The following MYO5A variants were observed in gnomAD, a reference collection of about 807,000 sequenced individuals.
The protein encoded by MYO5A is unconventional myosin-Va.
In MYO5A, 98 loss-of-function variants were observed where a neutral mutation model predicts 249.7. That is an observed-to-expected ratio of 0.39 (90% CI 0.33 to 0.46). MYO5A has a LOEUF of 0.46. MYO5A is among the 20% of genes least tolerant of loss of function. The probability of loss-of-function intolerance (pLI) is 0.98; values close to 1 mark genes in which losing one functional copy is unlikely to be tolerated. For synonymous variants in MYO5A, 778 were observed against 810.6 expected, an observed-to-expected ratio of 0.96 and a Z score of 0.68; for missense variants, 1,696 against 2,308.8, an observed-to-expected ratio of 0.73 and a Z score of 5.44.
intron 1 of MYO5A, among the ~76,000 whole-genome samples, chr15:52,483,401 G>A (rs187878904): frequency 8.5e-5 from 13 of 152,254 alleles, no homozygotes; most frequent in African/African-American, 2.6e-4. Flanking sequence ...AAGGGACCGT[G>A]AGTATGGCAA....
intron 1 of MYO5A, among the ~76,000 whole-genome samples, chr15:52,463,831 A>T (rs940546959): frequency 6.6e-6 from 1 of 152,260 alleles, no homozygotes; most frequent in Non-Finnish European, 1.5e-5. Flanking sequence ...TTCATTCTTC[A>T]TCTTTCCAGA....
rs573749029 is a variant in MYO5A at position 52,353,785 on chromosome 15, G to A, written c.3567+86C>T. 79 of 1,604,382 alleles carry A rather than the reference G, an allele frequency of 4.9e-5. No individual in the cohort carries two copies. In the African/African-American group the frequency reaches 9.2e-4, roughly 19 times the overall value. ...CTTTAACCAAGTGGTGCTTGGATAG[G>A]CTGGGCTGAGTCTCCACTAAGGAAG... On this transcript the variant is annotated intron_variant, in intron 26 of 41. Transcript: ENST00000399233.
intron 1 of MYO5A, among the ~76,000 whole-genome samples, chr15:52,503,614 G>T (rs998475396): frequency 6.6e-6 from 1 of 151,958 alleles, no homozygotes; most frequent in African/African-American, 2.4e-5. Flanking sequence ...CTGGGTGACA[G>T]AGCAAGACCA....
intron 2 of MYO5A, among the ~76,000 whole-genome samples, chr15:52,429,388 T>A (rs1775693658): frequency 6.6e-6 from 1 of 151,708 alleles, no homozygotes; most frequent in African/African-American, 2.4e-5. Flanking sequence ...ACTCCGTCTT[T>A]ATTAAAAATA....
At chr15:52,464,716 C>G (rs2076319616) in intron 1 of MYO5A, among the ~76,000 whole-genome samples, 1 of 152,170 alleles carries the variant, frequency 6.6e-6, no homozygotes, top group South Asian at 2.1e-4. Context: ...CCATGGTAGG[C>G]AGTTTGGCCT....
intron 1 of MYO5A, among the ~76,000 whole-genome samples, chr15:52,474,947 G>T (rs1481446722): frequency 1.3e-5 from 2 of 152,202 alleles, no homozygotes; most frequent in Non-Finnish European, 2.9e-5. Context: ...GATTGGAATA[G>T]TTTCAGAAGG....
chr15:52,419,480 T>C (rs2043684458), intron 4 of MYO5A, among the ~76,000 whole-genome samples: 1 of 152,216 alleles, frequency 6.6e-6, no homozygotes, highest in African/African-American at 2.4e-5. Flanking sequence ...TGTGTCTCTC[T>C]GATTCCTACT....
intron 1 of MYO5A, among the ~76,000 whole-genome samples, chr15:52,521,537 T>C (rs1208741729): frequency 6.6e-6 from 1 of 152,174 alleles, no homozygotes; most frequent in Non-Finnish European, 1.5e-5. Context: ...CAGTAGTACA[T>C]TAGGCCACAG....
chr15:52,399,897 G>A (rs2042671738), intron 9 of MYO5A, among the ~76,000 whole-genome samples: 1 of 152,116 alleles, frequency 6.6e-6, no homozygotes, highest in African/African-American at 2.4e-5. Context: ...TTATAAGTGA[G>A]AATATGTTGT....
chr15:52,344,115 G>T (rs927552625), intron 30 of MYO5A, among the ~76,000 whole-genome samples: 1 of 152,036 alleles, frequency 6.6e-6, no homozygotes, highest in African/African-American at 2.4e-5. Flanking sequence ...CTATATTGTT[G>T]TTATGTTTAC....
intron 1 of MYO5A, among the ~76,000 whole-genome samples, chr15:52,513,540 T>G (rs972988921): frequency 8.6e-5 from 13 of 150,778 alleles, no homozygotes; most frequent in African/African-American, 3.2e-4. Context: ...TTCTCCTGAC[T>G]CAGCGTCCTG....
chr15:52,357,081 GA>G (rs1479967399), intron 25 of MYO5A, among the ~76,000 whole-genome samples: 8 of 152,098 alleles, frequency 5.3e-5, no homozygotes, highest in African/African-American at 1.9e-4. Context: ...TAGCAGAACA[GA>G]TATAACATCT....
rs369808867 is a variant in MYO5A, at chr15:52,433,594, T to G, written c.28-309A>C. ...TGCCACCACACTCAGCTAATTTTTT[T>G]GTTTTTAATAAAGATGGAGTTTCGC... On this transcript the variant is annotated intron_variant, in intron 1 of 41. Transcript: ENST00000399233. Among the ~76,000 whole-genome samples the G allele has an allele frequency of 1.2e-4, 18 of 151,990 alleles. No homozygotes were observed. The East Asian group carries it at 3.5e-3, about 29-fold the overall frequency.
chr15:52,329,279 C>G (rs1175970808), intron 35 of MYO5A, among the ~76,000 whole-genome samples: 1 of 152,194 alleles, frequency 6.6e-6, no homozygotes, highest in Non-Finnish European at 1.5e-5. Context: ...AGCACCTGTG[C>G]AACTATATAT....
At position 52,325,613 on chromosome 15, in the gene MYO5A, G is replaced by C. The variant is rs73408419; in HGVS notation, c.4711-2169C>G. Among the ~76,000 whole-genome samples the C allele has an allele frequency of 1.2e-3, 175 of 151,930 alleles. 1 individual carries two copies. Among genetic ancestry groups the C allele is most frequent in the African/African-American group, 4.1e-3 (170 of 41,412 alleles). Reference sequence around the variant, plus strand: ...GACAGGGTCTCGCAATGTTGTCAGGGTTGGTCTCAAACTCCTGGGCTCAAG... The same window carrying C: ...GACAGGGTCTCGCAATGTTGTCAGGCTTGGTCTCAAACTCCTGGGCTCAAG... On this transcript the variant is annotated intron_variant, in intron 36 of 41. Coordinates refer to ENST00000399233, the MANE Select transcript of MYO5A (RefSeq NM_001382347.1).
chr15:52,494,493 G>GT, intron 1 of MYO5A, among the ~76,000 whole-genome samples: 1 of 150,658 alleles, frequency 6.6e-6, no homozygotes. Flanking sequence ...GTTATTTCTT[G>GT]TTTTTTGTTT....
intron 1 of MYO5A, among the ~76,000 whole-genome samples, chr15:52,445,065 A>G (rs2075860521): frequency 6.6e-6 from 1 of 152,132 alleles, no homozygotes; most frequent in Non-Finnish European, 1.5e-5. Flanking sequence ...GTCTTTTGCT[A>G]ACTTGGGAAA....
intron 1 of MYO5A, among the ~76,000 whole-genome samples, chr15:52,449,768 A>C (rs1473921444): frequency 6.6e-6 from 1 of 152,058 alleles, no homozygotes; most frequent in East Asian, 1.9e-4. Flanking sequence ...GGGAAGCCAA[A>C]GGAGGAGGAC....
intron 1 of MYO5A, among the ~76,000 whole-genome samples, chr15:52,446,043 G>A (rs2075883094): frequency 1.3e-5 from 2 of 152,248 alleles, no homozygotes; most frequent in African/African-American, 4.8e-5. Context: ...CTGTGGAGCA[G>A]CAACCATTTG....
Sources: allele counts gnomAD v4.1 joint callset (sites outside exome capture counted in the v4.1 genomes callset), GRCh38; gene constraint gnomAD v4.1.1; transcripts MANE v1.5; gene names NCBI Gene and HGNC (gene_info 2026-07-23, HGNC 2026-07-21).